The following KCNH8 variants were observed in gnomAD, a reference collection of about 807,000 sequenced individuals.
KCNH8 encodes the protein potassium voltage-gated channel subfamily H member 8.
Under a neutral mutation model 103.6 loss-of-function variants are expected in KCNH8, and 70 were observed. The ratio of observed to expected loss-of-function variants is 0.68; its 90% CI spans 0.56 to 0.82. The LOEUF is 0.82. KCNH8 is among the 40% of genes least tolerant of loss of function. The probability of loss-of-function intolerance (pLI) is 0.00; values close to 1 mark genes in which losing one functional copy is unlikely to be tolerated. For missense variants in KCNH8, 1,217 were observed against 1,329.9 expected, an observed-to-expected ratio of 0.92 and a Z score of 1.32; for synonymous variants, 498 against 489.4, an observed-to-expected ratio of 1.02 and a Z score of -0.23.
At chr3:19,340,154 C>T (rs147179468) in intron 3 of KCNH8, among the ~76,000 whole-genome samples, 1,791 of 152,004 alleles carry the variant, frequency 0.012, 14 homozygotes, top group Non-Finnish European at 0.018. Context: ...CAGAGCCTGG[C>T]GCACAGTAGG....
At chr3:19,391,132 C>T (rs549220636) in intron 6 of KCNH8, among the ~76,000 whole-genome samples, 61 of 152,098 alleles carry the variant, frequency 4.0e-4, no homozygotes, top group African/African-American at 1.3e-3. Flanking sequence ...AAAATTCAAC[C>T]GCTTCTTAGA....
intron 3 of KCNH8, among the ~76,000 whole-genome samples, chr3:19,334,379 C>T (rs1387102829): frequency 5.3e-5 from 8 of 152,080 alleles, no homozygotes; most frequent in African/African-American, 1.4e-4. Context: ...CTATAGCTTG[C>T]GATGATTGCA....
At chr3:19,276,067 C>T (rs1239758142) in intron 2 of KCNH8, among the ~76,000 whole-genome samples, 2 of 151,984 alleles carry the variant, frequency 1.3e-5, no homozygotes, top group Non-Finnish European at 2.9e-5. Flanking sequence ...TGAATTACTG[C>T]CCCACTCTTT....
chr3:19,422,129 A>G (rs1029456491), intron 7 of KCNH8, among the ~76,000 whole-genome samples: 2 of 152,108 alleles, frequency 1.3e-5, no homozygotes, highest in African/African-American at 2.4e-5. Context: ...GATATTAGAC[A>G]CCTCAGTGGA....
intron 11 of KCNH8, among the ~76,000 whole-genome samples, chr3:19,490,227 C>G (rs140234352): frequency 6.6e-6 from 1 of 151,104 alleles, no homozygotes; most frequent in African/African-American, 2.4e-5. Flanking sequence ...CAGGAAACCA[C>G]GAAATGTAGC....
chr3:19,516,684 T>TA (rs1441921506), intron 14 of KCNH8, among the ~76,000 whole-genome samples: 3 of 152,090 alleles, frequency 2.0e-5, no homozygotes, highest in Non-Finnish European at 4.4e-5. Context: ...CACCTACCCC[T>TA]ACGCTTACAC....
chr3:19,489,187 G>A (rs2068269735), intron 11 of KCNH8, among the ~76,000 whole-genome samples: 1 of 152,142 alleles, frequency 6.6e-6, no homozygotes, highest in Non-Finnish European at 1.5e-5. Context: ...ATCTGGTGGA[G>A]GTGGAGGTGC....
intron 1 of KCNH8, among the ~76,000 whole-genome samples, chr3:19,206,611 G>T (rs1431373043): frequency 6.6e-6 from 1 of 151,912 alleles, no homozygotes; most frequent in Non-Finnish European, 1.5e-5. Flanking sequence ...GGGGGCTGGG[G>T]TGTTATCCTG....
At chr3:19,495,148 T>C (rs116987333) in intron 11 of KCNH8, among the ~76,000 whole-genome samples, 41 of 152,262 alleles carry the variant, frequency 2.7e-4, no homozygotes, top group East Asian at 2.1e-3. Context: ...ATTCCGTAGG[T>C]TGTCTTTTCA....
At chr3:19,155,527 C>T (rs1022314926) in intron 1 of KCNH8, among the ~76,000 whole-genome samples, 13 of 152,138 alleles carry the variant, frequency 8.5e-5, no homozygotes, top group African/African-American at 1.9e-4. Flanking sequence ...TAGAGCCATC[C>T]GTTGGCTCCC....
At chr3:19,293,629 T>A (rs1307548891) in intron 3 of KCNH8, among the ~76,000 whole-genome samples, 1 of 152,212 alleles carries the variant, frequency 6.6e-6, no homozygotes, top group Non-Finnish European at 1.5e-5. Flanking sequence ...ATTAAGCTAA[T>A]TCATCTTCAG....
rs2065870509 is a variant in KCNH8 at position 19,355,602 on chromosome 3, A to G, written c.811+7637A>G. On this transcript the variant is annotated intron_variant, in intron 5 of 15. Coordinates refer to ENST00000328405, the MANE Select transcript of KCNH8 (RefSeq NM_144633.3). Reference sequence around the variant, plus strand: ...TTTGTAGGGACATGGATGAAGCTAGAAACCATCATTCTGAGCAAACTGTTG... The same window carrying G: ...TTTGTAGGGACATGGATGAAGCTAGGAACCATCATTCTGAGCAAACTGTTG... Among the ~76,000 whole-genome samples, 3 of 152,300 alleles carry G rather than the reference A, an allele frequency of 2.0e-5. No individual in the cohort carries two copies. The South Asian group carries it at 6.2e-4, about 32-fold the overall frequency.
At chr3:19,386,160 CACTT>C (rs920064145) in intron 5 of KCNH8, among the ~76,000 whole-genome samples, 103 of 152,214 alleles carry the variant, frequency 6.8e-4, no homozygotes, top group African/African-American at 2.4e-3. Flanking sequence ...CATAAATAGA[CACTT>C]AGTGTGGGAG....
At chr3:19,499,741 G>C (rs937127437) in intron 11 of KCNH8, among the ~76,000 whole-genome samples, 2 of 152,156 alleles carry the variant, frequency 1.3e-5, no homozygotes, top group African/African-American at 4.8e-5. Flanking sequence ...CAAATGCTCA[G>C]AGATTTTTGT....
chr3:19,465,725 C>G (rs977770767), intron 11 of KCNH8, among the ~76,000 whole-genome samples: 4 of 150,660 alleles, frequency 2.7e-5, no homozygotes, highest in African/African-American at 9.8e-5. Context: ...GGAGGAGGTC[C>G]AAATATCAAC....
At chr3:19,525,462 T>A (rs931628062) in intron 15 of KCNH8, among the ~76,000 whole-genome samples, 1 of 151,884 alleles carries the variant, frequency 6.6e-6, no homozygotes, top group African/African-American at 2.4e-5. Context: ...CATTTGATGT[T>A]TACTGATAGC....
At chr3:19,303,555 G>A (rs560794595) in intron 3 of KCNH8, among the ~76,000 whole-genome samples, 29 of 152,052 alleles carry the variant, frequency 1.9e-4, no homozygotes, top group Non-Finnish European at 1.9e-4. Flanking sequence ...GCATGTTTAC[G>A]GAGTGTCTAT....
intron 1 of KCNH8, among the ~76,000 whole-genome samples, chr3:19,233,938 A>C (rs2064026887): frequency 6.6e-6 from 1 of 152,160 alleles, no homozygotes; most frequent in Non-Finnish European, 1.5e-5. Flanking sequence ...TGAGTGTTAA[A>C]GCTCATAAAG....
intron 11 of KCNH8, among the ~76,000 whole-genome samples, chr3:19,466,099 T>C (rs982739016): frequency 1.3e-5 from 2 of 151,938 alleles, no homozygotes; most frequent in African/African-American, 4.8e-5. Flanking sequence ...TAATTCTTTT[T>C]TATATTTGTA....
Sources: allele counts gnomAD v4.1 joint callset (sites outside exome capture counted in the v4.1 genomes callset), GRCh38; gene constraint gnomAD v4.1.1; transcripts MANE v1.5; gene names NCBI Gene and HGNC (gene_info 2026-07-23, HGNC 2026-07-21).